The following ULK4 variants were observed in gnomAD, a reference collection of about 807,000 sequenced individuals.
ULK4 encodes the protein unc-51 like kinase 4.
ULK4 carries 133 observed loss-of-function variants against 160.6 expected under a neutral mutation model. The observed-to-expected ratio is 0.83, with a 90% CI of 0.72 to 0.96. The LOEUF (loss-of-function observed/expected upper bound fraction) is 0.96, where lower values mean the gene tolerates loss of function less well. ULK4 is among the 40% of genes least tolerant of loss of function. ULK4 has a pLI of 0.00. For synonymous variants in ULK4, 534 were observed against 539.8 expected (o/e 0.99, Z 0.15); for missense variants, 1,580 against 1,499.5 (o/e 1.05, Z -0.89).
At chr3:41,668,271 G>C (rs2035415419) in intron 29 of ULK4, among the ~76,000 whole-genome samples, 1 of 152,156 alleles carries the variant, frequency 6.6e-6, no homozygotes, top group South Asian at 2.1e-4. Flanking sequence ...TCTGCTAAAT[G>C]AAAGGCTAGA....
chr3:41,907,341 G>C (rs1461862305), intron 12 of ULK4, among the ~76,000 whole-genome samples: 1 of 151,728 alleles, frequency 6.6e-6, no homozygotes, highest in Non-Finnish European at 1.5e-5. Flanking sequence ...CTGTCACCCA[G>C]GCTGGAGTGC....
chr3:41,413,449 T>C (rs148628455), intron 34 of ULK4, among the ~76,000 whole-genome samples: 38 of 152,224 alleles, frequency 2.5e-4, no homozygotes, highest in Non-Finnish European at 2.1e-4. Context: ...AAAGGAAAAA[T>C]TGATAAAACT....
At chr3:41,654,114 G>A (rs1410159101) in intron 30 of ULK4, among the ~76,000 whole-genome samples, 1 of 152,154 alleles carries the variant, frequency 6.6e-6, no homozygotes, top group African/African-American at 2.4e-5. Flanking sequence ...ATCCTGGCTG[G>A]AGTCCAACAG....
chr3:41,768,708 G>A (rs2039252270), intron 21 of ULK4, among the ~76,000 whole-genome samples: 1 of 152,126 alleles, frequency 6.6e-6, no homozygotes, highest in Admixed American at 6.5e-5. Flanking sequence ...ATAACCTATT[G>A]TCCTTGTCTA....
chr3:41,770,387 T>G (rs886908744), intron 21 of ULK4, among the ~76,000 whole-genome samples: 1 of 152,192 alleles, frequency 6.6e-6, no homozygotes, highest in African/African-American at 2.4e-5. Flanking sequence ...CTGGGGAATT[T>G]TTCTGTAGGG....
intron 35 of ULK4, among the ~76,000 whole-genome samples, chr3:41,385,420 GAAATC>G (rs918881283): frequency 5.9e-5 from 9 of 151,876 alleles, no homozygotes; most frequent in African/African-American, 2.2e-4. Context: ...CTTGAGAAAA[GAAATC>G]AAAACAGAAG....
chr3:41,584,171 C>T (rs946356682), intron 31 of ULK4, among the ~76,000 whole-genome samples: 4 of 152,018 alleles, frequency 2.6e-5, no homozygotes, highest in Non-Finnish European at 5.9e-5. Context: ...TATACAAAGA[C>T]CAGACATGAA....
At chr3:41,882,991 CA>C (rs1697579370) in intron 17 of ULK4, among the ~76,000 whole-genome samples, 1 of 151,958 alleles carries the variant, frequency 6.6e-6, no homozygotes, top group African/African-American at 2.4e-5. Context: ...TTAGGCCCCC[CA>C]AAAAAGGAAA....
At chr3:41,822,997 T>A (rs769781254) in intron 18 of ULK4, among the ~76,000 whole-genome samples, 7 of 150,678 alleles carry the variant, frequency 4.6e-5, no homozygotes, top group Non-Finnish European at 1.0e-4. Flanking sequence ...GCTGGGATTA[T>A]AGGCATGAGC....
chr3:41,403,186 C>T (rs1405243452), intron 34 of ULK4, among the ~76,000 whole-genome samples: 2 of 151,614 alleles, frequency 1.3e-5, no homozygotes, highest in African/African-American at 2.4e-5. Flanking sequence ...AAAATTGATA[C>T]TTAATTCTTC....
intron 35 of ULK4, among the ~76,000 whole-genome samples, chr3:41,283,269 C>T (rs369872178): frequency 6.6e-6 from 1 of 152,188 alleles, no homozygotes; most frequent in Non-Finnish European, 1.5e-5. Flanking sequence ...ACTAGAAATA[C>T]CATTTGACCA....
At chr3:41,808,801 G>A (rs559166442) in intron 19 of ULK4, among the ~76,000 whole-genome samples, 16 of 152,242 alleles carry the variant, frequency 1.1e-4, no homozygotes, top group Non-Finnish European at 1.8e-4. Context: ...GACAAATGCC[G>A]TCAGGGCAAA....
At chr3:41,500,762 C>T (rs149866857) in intron 32 of ULK4, among the ~76,000 whole-genome samples, 91 of 152,220 alleles carry the variant, frequency 6.0e-4, no homozygotes, top group African/African-American at 1.8e-3. Context: ...CCCTGGAACT[C>T]GGGGCCAGCA....
intron 30 of ULK4, among the ~76,000 whole-genome samples, chr3:41,618,692 G>T (rs1044673729): frequency 6.6e-6 from 1 of 152,108 alleles, no homozygotes; most frequent in South Asian, 2.1e-4. Flanking sequence ...AAAGACCAAT[G>T]ACACTATGAA....
At chr3:41,628,642 G>A (rs940885469) in intron 30 of ULK4, among the ~76,000 whole-genome samples, 1 of 152,190 alleles carries the variant, frequency 6.6e-6, no homozygotes, top group African/African-American at 2.4e-5. Flanking sequence ...TGTAATGTGG[G>A]ATCCTAGATT....
At chr3:41,358,088 T>C (rs939735064) in intron 35 of ULK4, among the ~76,000 whole-genome samples, 1 of 152,232 alleles carries the variant, frequency 6.6e-6, no homozygotes, top group African/African-American at 2.4e-5. Flanking sequence ...GAACTTGTGC[T>C]GTTCACCATT....
At chr3:41,754,538 C>T (rs1222445832) in intron 21 of ULK4, 50 bp from the exon 22 acceptor site, 1 of 1,581,040 alleles carries the variant, frequency 6.3e-7, no homozygotes, top group Non-Finnish European at 8.6e-7. Flanking sequence ...AAAAATAGGG[C>T]AGTCTCAATT....
At chr3:41,738,023 G>C (rs60423483) in intron 22 of ULK4, among the ~76,000 whole-genome samples, 17,660 of 151,770 alleles carry the variant, frequency 0.12, 3,610 homozygotes, top group African/African-American at 0.4. Flanking sequence ...TAAGCCATAT[G>C]AACATAAAAC....
intron 21 of ULK4, among the ~76,000 whole-genome samples, chr3:41,783,247 C>T (rs758942869): frequency 1.3e-5 from 2 of 151,886 alleles, no homozygotes; most frequent in Non-Finnish European, 2.9e-5. Context: ...TAAATAGAGA[C>T]GGAGTCTTAG....
Sources: allele counts gnomAD v4.1 joint callset (sites outside exome capture counted in the v4.1 genomes callset), GRCh38; gene constraint gnomAD v4.1.1; transcripts MANE v1.5; gene names NCBI Gene and HGNC (gene_info 2026-07-23, HGNC 2026-07-21).